Variants in ABTB2 observed in about 807,000 individuals in gnomAD.
The protein encoded by ABTB2 is ankyrin repeat and BTB domain containing 2.
In ABTB2, 56 loss-of-function variants were observed where a neutral mutation model predicts 104.1. The ratio of observed to expected loss-of-function variants is 0.54; its 90% confidence interval spans 0.43 to 0.67. ABTB2 has a LOEUF of 0.67. Among genes scored for constraint, ABTB2 ranks in the 30% least tolerant of loss-of-function variants. The pLI, the probability that ABTB2 is intolerant of heterozygous loss-of-function variation, is 0.00. For synonymous variants in ABTB2, 606 were observed against 608.2 expected (o/e 1.00, Z 0.05); for missense variants, 1,279 against 1,407.7 (o/e 0.91, Z 1.46).
chr11:34,221,670 C>T (rs76954890), intron 1 of ABTB2, among the ~76,000 whole-genome samples: 2,803 of 152,316 alleles, frequency 0.018, 86 homozygotes, highest in African/African-American at 0.064. Flanking sequence ...GCTCCCCTCA[C>T]GGGGCAATCC....
intron 1 of ABTB2, among the ~76,000 whole-genome samples, chr11:34,320,423 T>A (rs1388881399): frequency 3.3e-5 from 5 of 152,196 alleles, no homozygotes; most frequent in Non-Finnish European, 7.4e-5. Context: ...GGTTGATGAT[T>A]AAAACCTTAT....
intron 1 of ABTB2, among the ~76,000 whole-genome samples, chr11:34,230,002 C>T (rs2133056221): frequency 6.6e-6 from 1 of 152,290 alleles, no homozygotes; most frequent in South Asian, 2.1e-4. Context: ...TCTTCTGAAG[C>T]TCACTGTTGT....
intron 14 of ABTB2, among the ~76,000 whole-genome samples, chr11:34,155,261 CCT>C (rs747577080): frequency 6.6e-6 from 1 of 152,230 alleles, no homozygotes; most frequent in African/African-American, 2.4e-5. Context: ...CCTGCCTTCC[CCT>C]GTTTGCACAA....
intron 1 of ABTB2, among the ~76,000 whole-genome samples, chr11:34,270,579 A>G (rs1848774926): frequency 6.6e-6 from 1 of 152,096 alleles, no homozygotes; most frequent in Non-Finnish European, 1.5e-5. Flanking sequence ...ACCTCAGGTG[A>G]TCCGCCCGCC....
intron 1 of ABTB2, among the ~76,000 whole-genome samples, chr11:34,340,700 C>T (rs1356565531): frequency 6.6e-6 from 1 of 152,194 alleles, no homozygotes; most frequent in Non-Finnish European, 1.5e-5. Flanking sequence ...AAAACTTTAA[C>T]CTCAAGTTCC....
intron 5 of ABTB2, among the ~76,000 whole-genome samples, chr11:34,169,886 T>G (rs757820286): frequency 2.0e-5 from 3 of 152,200 alleles, no homozygotes; most frequent in Non-Finnish European, 4.4e-5. Context: ...AGCTTCCCCT[T>G]GCAGCCCATC....
intron 1 of ABTB2, among the ~76,000 whole-genome samples, chr11:34,266,117 C>T (rs1252263589): frequency 6.6e-6 from 1 of 152,198 alleles, no homozygotes; most frequent in Non-Finnish European, 1.5e-5. Flanking sequence ...GGGTCTCACT[C>T]TGTCACCCAG....
chr11:34,183,874 T>C (rs77765825), intron 3 of ABTB2, among the ~76,000 whole-genome samples: 1,866 of 152,190 alleles, frequency 0.012, 44 homozygotes, highest in African/African-American at 0.042. Context: ...GGGCTGCTCT[T>C]ACTCCAGGAC....
chr11:34,324,361 A>T (rs992441555), intron 1 of ABTB2, among the ~76,000 whole-genome samples: 9 of 152,194 alleles, frequency 5.9e-5, no homozygotes, highest in African/African-American at 2.2e-4. Flanking sequence ...TGGGCCCATG[A>T]TAGGCATCAT....
At chr11:34,307,976 G>T (rs768219842) in intron 1 of ABTB2, among the ~76,000 whole-genome samples, 1 of 152,196 alleles carries the variant, frequency 6.6e-6, no homozygotes, top group African/African-American at 2.4e-5. Context: ...GATTACAGGC[G>T]TGAGCCACTG....
At position 34,208,266 on chromosome 11, in the gene ABTB2, C is replaced by T. The variant is rs1278097880; in HGVS notation, c.884-3576G>A. Among the ~76,000 whole-genome samples, 3 of 152,314 alleles carry T rather than the reference C, an allele frequency of 2.0e-5. No homozygotes were observed. In the East Asian group the frequency reaches 5.8e-4, roughly 29 times the overall value. On this transcript the variant is annotated intron_variant, in intron 1 of 16. Coordinates refer to ENST00000435224, the MANE Select transcript of ABTB2 (RefSeq NM_145804.3). ...GTTTAAAAAAGAAAAAAGGAAAGGA[C>T]ATATCTATTTTTTTCTATTTAGTAA...
intron 1 of ABTB2, among the ~76,000 whole-genome samples, chr11:34,266,154 C>G (rs1218664581): frequency 6.6e-6 from 1 of 152,162 alleles, no homozygotes; most frequent in Non-Finnish European, 1.5e-5. Context: ...GCGATCATAG[C>G]TCATCGTAAC....
intron 1 of ABTB2, among the ~76,000 whole-genome samples, chr11:34,221,677 A>C (rs1825339163): frequency 6.6e-6 from 1 of 152,142 alleles, no homozygotes. Context: ...TCACGGGGCA[A>C]TCCTCTGGCC....
chr11:34,353,393 G>GTAGGGA (rs940086951), intron 1 of ABTB2, among the ~76,000 whole-genome samples: 1 of 152,182 alleles, frequency 6.6e-6, no homozygotes, highest in African/African-American at 2.4e-5. Flanking sequence ...AGAGAGGAGA[G>GTAGGGA]TAGGGAGGGA....
rs1444190343 is a variant in ABTB2 at position 34,160,896 on chromosome 11, C to T, written c.2397+7G>A. 6.9e-6 allele frequency: 11 copies of T among 1,596,878 alleles called. No individual in the cohort carries two copies. Among genetic ancestry groups the T allele is most frequent in the East Asian group, 6.7e-5 (3 of 44,568 alleles). On this transcript the variant is annotated splice_region_variant and intron_variant, in intron 11 of 16. Coordinates refer to ENST00000435224, the MANE Select transcript of ABTB2 (RefSeq NM_145804.3). ...GGGCTTGGGAACTGGCCACTGGCCA[C>T]ACTTACTTTGCTGGTCTTGAGGATG...
chr11:34,343,213 T>C (rs1323441085), intron 1 of ABTB2, among the ~76,000 whole-genome samples: 3 of 152,222 alleles, frequency 2.0e-5, no homozygotes, highest in Non-Finnish European at 4.4e-5. Flanking sequence ...TGAGTGTTCT[T>C]TGGTGATCCC....
intron 1 of ABTB2, among the ~76,000 whole-genome samples, chr11:34,331,232 A>T (rs1392093589): frequency 6.6e-6 from 1 of 152,236 alleles, no homozygotes; most frequent in Non-Finnish European, 1.5e-5. Flanking sequence ...AAAAGCATAC[A>T]TGACAAGCCT....
At chr11:34,167,849 G>A (rs1308615171) in intron 6 of ABTB2, 54 bp downstream of exon 6, 5 of 1,573,738 alleles carry the variant, frequency 3.2e-6, no homozygotes, top group East Asian at 2.2e-5. Flanking sequence ...TGGAGCCCTC[G>A]GAGTGATCCC....
chr11:34,266,628 C>A (rs1693219785), intron 1 of ABTB2, among the ~76,000 whole-genome samples: 2 of 152,146 alleles, frequency 1.3e-5, no homozygotes, highest in Admixed American at 6.5e-5. Context: ...CTGCCACCCC[C>A]TTCCTCCGAG....
Sources: gnomAD v4.1 joint callset for allele counts (sites outside exome capture counted in the v4.1 genomes callset) on GRCh38, gnomAD v4.1.1 for gene constraint, MANE v1.5 for transcripts, NCBI Gene and HGNC (gene_info 2026-07-23, HGNC 2026-07-21) for gene names.